Variants in EML6 observed in about 807,000 individuals in gnomAD.
EML6 encodes EMAP like 6.
In EML6, 154 loss-of-function variants were observed where a neutral mutation model predicts 240.1. The ratio of observed to expected loss-of-function variants is 0.64; its 90% CI spans 0.56 to 0.73. The LOEUF (loss-of-function observed/expected upper bound fraction) is 0.73. EML6 is among the 30% of genes least tolerant of loss of function. The probability of loss-of-function intolerance (pLI) is 0.00; values close to 1 mark genes in which losing one functional copy is unlikely to be tolerated. For synonymous variants in EML6, 1,148 were observed against 899.0 expected (o/e 1.28, Z -4.95); for missense variants, 2,964 against 2,474.6 (o/e 1.20, Z -4.20).
intron 2 of EML6, among the ~76,000 whole-genome samples, chr2:54,801,937 T>G (rs192413861): frequency 2.7e-4 from 41 of 152,352 alleles, no homozygotes; most frequent in African/African-American, 9.6e-4. Context: ...TGATCTTTCT[T>G]GTCTGGAGAG....
chr2:54,961,189 T>TTTTTTTTTTTTTTTTTTTTTTTTTTTTG (rs1558729617), intron 35 of EML6, among the ~76,000 whole-genome samples: 1 of 108,030 alleles, frequency 9.3e-6, no homozygotes, highest in Non-Finnish European at 1.9e-5. Flanking sequence ...AAGTAGTTTT[T>TTTTTTTTTTTTTTTTTTTTTTTTTTTTG]TTTTTTTTTT....
chr2:54,911,098 A>G lies in EML6; in HGVS notation c.3498+56A>G, dbSNP rs541701387. 165 of 906,686 alleles carry G rather than the reference A, an allele frequency of 1.8e-4. 2 individuals are homozygous for G. In the African/African-American group the frequency reaches 2.6e-3, roughly 14 times the overall value. 56.2% of individuals were successfully genotyped at this position (906,686 alleles called of 1,614,324 possible). A position where few individuals can be genotyped will look rare whatever the true frequency, so the allele number is the denominator to read the frequency against. On this transcript the variant is annotated intron_variant, in intron 25 of 41. Coordinates refer to ENST00000356458, the MANE Select transcript of EML6 (RefSeq NM_001039753.4). ...TATTTTGTGAAGATTTAATATGTGC[A>G]TTTTAATAAAACCTATCACGTTAAC...
chr2:54,797,458 C>T (rs1669881607), intron 2 of EML6, among the ~76,000 whole-genome samples: 1 of 152,128 alleles, frequency 6.6e-6, no homozygotes, highest in Non-Finnish European at 1.5e-5. Flanking sequence ...GTCATGATTT[C>T]ATACACAGGT....
At chr2:54,941,299 T>G (rs1490185379) in intron 28 of EML6, among the ~76,000 whole-genome samples, 2 of 152,178 alleles carry the variant, frequency 1.3e-5, no homozygotes, top group African/African-American at 4.8e-5. Flanking sequence ...CACTCATATG[T>G]GGAAGCTGCC....
chr2:54,801,147 C>T (rs535547433), intron 2 of EML6, among the ~76,000 whole-genome samples: 10 of 151,832 alleles, frequency 6.6e-5, no homozygotes, highest in East Asian at 3.9e-4. Flanking sequence ...AGTGAAACCC[C>T]GTCTCTACTA....
At chr2:54,913,077 T>TG (rs1403112808) in intron 25 of EML6, among the ~76,000 whole-genome samples, 2 of 151,476 alleles carry the variant, frequency 1.3e-5, no homozygotes, top group African/African-American at 2.4e-5. Flanking sequence ...TTCTGTTTTT[T>TG]TTTTTTTTTT....
chr2:54,737,099 A>G (rs1421476230), intron 2 of EML6, among the ~76,000 whole-genome samples: 2 of 152,176 alleles, frequency 1.3e-5, no homozygotes. Context: ...GGGACTATAT[A>G]TGAGGTAACA....
intron 2 of EML6, among the ~76,000 whole-genome samples, chr2:54,806,130 T>G (rs1670462833): frequency 2.6e-5 from 4 of 152,212 alleles, no homozygotes; most frequent in African/African-American, 7.2e-5. Flanking sequence ...TATGTGTGTA[T>G]GTATATATAC....
At chr2:54,847,754 TACGATCCCC>T in intron 9 of EML6, 131 bp downstream of exon 9, 1 of 926,760 alleles carries the variant, frequency 1.1e-6, no homozygotes, top group Non-Finnish European at 1.6e-6. Flanking sequence ...ACTATAGATC[TACGATCCCC>T]TATCTGTAAT....
intron 15 of EML6, 126 bp downstream of exon 15, chr2:54,869,493 A>AT (rs1233262856): frequency 4.0e-6 from 3 of 743,658 alleles, no homozygotes; most frequent in Non-Finnish European, 6.5e-6. Context: ...TGAAGATTGA[A>AT]TGATCATTGG....
chr2:54,726,979 A>G (rs960612295), intron 2 of EML6, among the ~76,000 whole-genome samples: 1 of 152,208 alleles, frequency 6.6e-6, no homozygotes, highest in African/African-American at 2.4e-5. Context: ...TTTCTCTGAT[A>G]CAAGGAAAAA....
intron 16 of EML6, among the ~76,000 whole-genome samples, chr2:54,875,095 C>T (rs1671438845): frequency 6.6e-6 from 1 of 152,170 alleles, no homozygotes; most frequent in South Asian, 2.1e-4. Context: ...CTTTCTGCTA[C>T]CTGTGCCCTC....
At chr2:54,730,209 A>G (rs1003206714) in intron 2 of EML6, among the ~76,000 whole-genome samples, 1 of 152,162 alleles carries the variant, frequency 6.6e-6, no homozygotes, top group Non-Finnish European at 1.5e-5. Context: ...ACCTGAAACA[A>G]TGATCTATTA....
rs1253720100 is a variant in EML6, at chr2:54,954,936, G to T, written c.4486+780G>T. Among the ~76,000 whole-genome samples the T allele has an allele frequency of 2.0e-5, 3 of 152,322 alleles. No homozygotes were observed. In the East Asian group the frequency reaches 5.8e-4, roughly 29 times the overall value. ...AGAGGTGTCACTTCTCCCATCCAGG[G>T]CTCTGGAGTCCCATTATCTCTGCAT... On this transcript the variant is annotated intron_variant, in intron 32 of 41. Coordinates refer to ENST00000356458, the MANE Select transcript of EML6 (RefSeq NM_001039753.4).
At chr2:54,865,026 C>T (rs191445898) in intron 13 of EML6, among the ~76,000 whole-genome samples, 1 of 152,224 alleles carries the variant, frequency 6.6e-6, no homozygotes, top group Admixed American at 6.5e-5. Context: ...CAACCCTGAA[C>T]GTAGTCAATC....
At chr2:54,833,218 A>G (rs1229541475) in intron 7 of EML6, among the ~76,000 whole-genome samples, 1 of 152,256 alleles carries the variant, frequency 6.6e-6, no homozygotes, top group Non-Finnish European at 1.5e-5. Flanking sequence ...TAAAGATCAC[A>G]CTTAGTGTGC....
chr2:54,958,754 T>C (rs1161704997), intron 33 of EML6, among the ~76,000 whole-genome samples: 1 of 152,306 alleles, frequency 6.6e-6, no homozygotes, highest in East Asian at 1.9e-4. Context: ...TTTCTCCCTC[T>C]TGTAGAGGAG....
chr2:54,898,920 T>G (rs922001601), intron 21 of EML6, among the ~76,000 whole-genome samples: 4 of 152,222 alleles, frequency 2.6e-5, no homozygotes, highest in African/African-American at 4.8e-5. Context: ...TACTGCTTTC[T>G]CTTAGTTATT....
At chr2:54,874,976 C>T (rs996563725) in intron 16 of EML6, among the ~76,000 whole-genome samples, 6 of 152,100 alleles carry the variant, frequency 3.9e-5, no homozygotes, top group African/African-American at 1.4e-4. Context: ...AGGAGGCATG[C>T]CAGGAGTTCT....
Sources: allele counts gnomAD v4.1 joint callset (sites outside exome capture counted in the v4.1 genomes callset), GRCh38; gene constraint gnomAD v4.1.1; transcripts MANE v1.5; gene names NCBI Gene and HGNC (gene_info 2026-07-23, HGNC 2026-07-21).